TAS1R2: variants seen among roughly 807,000 people sequenced by gnomAD.
The protein encoded by TAS1R2 is taste receptor type 1 member 2.
In TAS1R2, 47 loss-of-function variants were observed where a neutral mutation model predicts 49.3. That is an observed-to-expected ratio of 0.95 (90% confidence interval 0.75 to 1.22). The LOEUF is 1.22. Among genes scored for constraint, TAS1R2 ranks in the 50% most tolerant of loss-of-function variants. TAS1R2 has a pLI of 0.00. For synonymous variants in TAS1R2, 479 were observed against 467.9 expected, an observed-to-expected ratio of 1.02 and a Z score of -0.31; for missense variants, 1,155 against 1,122.1, an observed-to-expected ratio of 1.03 and a Z score of -0.42.
intron 4 of TAS1R2, among the ~76,000 whole-genome samples, chr1:18,848,906 C>T (rs1020306513): frequency 1.1e-4 from 17 of 152,106 alleles, no homozygotes; most frequent in African/African-American, 3.9e-4. Context: ...TTATATGTTA[C>T]GATAATAATA....
At chr1:18,843,639 C>A (rs775060028) in intron 4 of TAS1R2, among the ~76,000 whole-genome samples, 1 of 152,168 alleles carries the variant, frequency 6.6e-6, no homozygotes, top group Non-Finnish European at 1.5e-5. Flanking sequence ...GCCACATGAT[C>A]GAGGAGATCT....
chr1:18,841,750 T>G, exon 5 of TAS1R2: 1 of 1,613,780 alleles, frequency 6.2e-7, no homozygotes, highest in South Asian at 1.1e-5. Flanking sequence ...TTGAGGAAGG[T>G]GCCGGGAAGG....
chr1:18,859,031 G>C (rs542951610), intron 1 of TAS1R2, among the ~76,000 whole-genome samples: 5 of 152,108 alleles, frequency 3.3e-5, no homozygotes, highest in Non-Finnish European at 7.4e-5. Context: ...GGGGGAAGAG[G>C]AACTTCCCTC....
chr1:18,842,399 G>A (rs1933845583), intron 4 of TAS1R2, among the ~76,000 whole-genome samples: 1 of 152,078 alleles, frequency 6.6e-6, no homozygotes, highest in Admixed American at 6.6e-5. Flanking sequence ...GATAAAATGG[G>A]AGACAAAAAA....
At chr1:18,851,154 C>T (rs538743172) in intron 3 of TAS1R2, among the ~76,000 whole-genome samples, 22 of 152,134 alleles carry the variant, frequency 1.4e-4, no homozygotes, top group Admixed American at 1.2e-3. Flanking sequence ...TTACAATGTA[C>T]GAACAGGTGG....
At position 18,854,618 on chromosome 1, in the gene TAS1R2, G is replaced by T; in HGVS notation, c.852C>A (p.Phe284Leu). 1 of 1,614,094 alleles carries T rather than the reference G, an allele frequency of 6.2e-7. No individual in the cohort carries two copies. The highest frequency in any genetic ancestry group is 8.5e-7 in the Non-Finnish European group (1 of 1,180,006). Reference sequence around the variant, plus strand: ...AGTTCTGGCGCAGCACCTCATTGAAGAAGTGGTACAGGGTCAGGTCGGGCG... The same window carrying T: ...AGTTCTGGCGCAGCACCTCATTGAATAAGTGGTACAGGGTCAGGTCGGGCG... The change falls in exon 3 of 6, where the codon TTC (phenylalanine) becomes TTA (leucine). Residue 284 changes from phenylalanine to leucine, a missense_variant. Transcript: ENST00000375371. The surrounding 1 kb of genome is among the most constrained non-coding windows in gnomAD (Gnocchi z 4.9).
At chr1:18,856,672 T>C (rs1934140935) in intron 2 of TAS1R2, among the ~76,000 whole-genome samples, 1 of 152,246 alleles carries the variant, frequency 6.6e-6, no homozygotes, top group East Asian at 1.9e-4. Context: ...AGATGCTTCA[T>C]GTAAAAGTAC....
intron 4 of TAS1R2, among the ~76,000 whole-genome samples, chr1:18,845,566 G>A (rs896673038): frequency 6.6e-6 from 1 of 152,200 alleles, no homozygotes; most frequent in African/African-American, 2.4e-5. Flanking sequence ...ACACTATAGG[G>A]CTCTACGATT....
At chr1:18,843,316 A>T (rs1933859831) in intron 4 of TAS1R2, among the ~76,000 whole-genome samples, 1 of 152,182 alleles carries the variant, frequency 6.6e-6, no homozygotes, top group South Asian at 2.1e-4. Context: ...AACCTTGTAA[A>T]GATTCAAAAC....
rs146340326 is a variant in TAS1R2 at position 18,854,387 on chromosome 1, C to T, written c.1083G>A (p.Gln361=). ...TGGCGTTCAGGCAGTTGTCGCACTC[C>T]TGGTTGCAGGTATAGCTCTGGCTGG... The change falls in exon 3 of 6, where the codon CAG becomes CAA. Residue 361 remains glutamine (Q), a synonymous_variant. Coordinates refer to ENST00000375371, the Ensembl canonical transcript of TAS1R2. The surrounding 1 kb of genome is among the most constrained non-coding windows in gnomAD (Gnocchi z 4.9). 1 of 1,613,874 alleles carries T rather than the reference C, an allele frequency of 6.2e-7. No individual in the cohort carries two copies. Among genetic ancestry groups the T allele is most frequent in the African/African-American group, 1.3e-5 (1 of 74,946 alleles).
chr1:18,841,999 ACT>A, intron 4 of TAS1R2, 147 bp from the exon 5 acceptor site: 1 of 942,462 alleles, frequency 1.1e-6, no homozygotes, highest in African/African-American at 1.7e-5. Context: ...AAAAAAAAAA[ACT>A]CTCATGCTTC....
intron 4 of TAS1R2, among the ~76,000 whole-genome samples, chr1:18,847,625 T>C (rs972946722): frequency 3.3e-4 from 50 of 152,322 alleles, no homozygotes; most frequent in African/African-American, 1.2e-3. Flanking sequence ...AAGGCAGGTC[T>C]CTATCCTTTC....
intron 3 of TAS1R2, among the ~76,000 whole-genome samples, chr1:18,853,962 G>A (rs1269216486): frequency 6.6e-6 from 1 of 152,186 alleles, no homozygotes; most frequent in African/African-American, 2.4e-5. Context: ...GGGGAGGGGG[G>A]CGCTGCCGTT....
Position 18,854,139 on chromosome 1 carries a change from ACACC to A in TAS1R2, c.1257+70_1257+73del, listed in dbSNP as rs1934081409. On this transcript the variant is annotated intron_variant, in intron 3 of 5. Transcript: ENST00000375371. This position sits in a 1 kb window ranked among gnomAD's most constrained non-coding sequence, Gnocchi z 4.9. ...AAGAATGGGATACTCATGCCCTTTC[ACACC>A]CATTTGCCCAGAACCCCAGGGGAGG... is the stretch of plus-strand genomic sequence containing the variant. 3 of 1,430,072 alleles carry A rather than the reference ACACC, an allele frequency of 2.1e-6. No individual in the cohort carries two copies. The highest frequency in any genetic ancestry group is 2.8e-5 in the African/African-American group (2 of 70,906). The allele number at this position is 1,430,072 out of a possible 1,614,324, so 88.6% of individuals were successfully genotyped here.
chr1:18,853,550 G>A (rs72651847), intron 3 of TAS1R2, among the ~76,000 whole-genome samples: 6,893 of 152,266 alleles, frequency 0.045, 235 homozygotes, highest in Non-Finnish European at 0.069. Flanking sequence ...GCAAGGGGGC[G>A]AAAGGGGAGA....
intron 3 of TAS1R2, among the ~76,000 whole-genome samples, chr1:18,852,470 T>C (rs1373570147): frequency 1.3e-5 from 2 of 152,210 alleles, no homozygotes; most frequent in African/African-American, 4.8e-5. Flanking sequence ...GGACGCTGTT[T>C]ATGCCAGCAG....
Position 18,854,520 on chromosome 1 carries a change from C to T in TAS1R2, c.950G>A (p.Arg317His), listed in dbSNP as rs34545913. 6.2e-6 allele frequency: 10 copies of T among 1,613,672 alleles called. No individual in the cohort carries two copies. Among genetic ancestry groups the T allele is most frequent in the East Asian group, 2.2e-5 (1 of 44,898 alleles). Residue 317 changes from arginine to histidine, a missense_variant, in exon 3 of 6, where the codon CGC (arginine) becomes CAC (histidine). Arg to His is a conservative substitution (Grantham distance 29). Transcript: ENST00000375371. This position sits in a 1 kb window ranked among gnomAD's most constrained non-coding sequence, Gnocchi z 4.9. ...GATGCCCAGGAAGGTGCCCAAGTGG[C>T]GCAGCTCCGTGAGGTTGTGCAGGAC...
chr1:18,857,130 C>T (rs973629806), intron 2 of TAS1R2, among the ~76,000 whole-genome samples: 2 of 152,208 alleles, frequency 1.3e-5, no homozygotes, highest in Non-Finnish European at 2.9e-5. Flanking sequence ...AGTTGCACAA[C>T]CAGATCTGCC....
chr1:18,849,209 C>T, intron 4 of TAS1R2, 132 bp downstream of exon 4: 1 of 983,884 alleles, frequency 1.0e-6, no homozygotes, highest in Non-Finnish European at 1.5e-6. Flanking sequence ...GATACACCCA[C>T]AAATAGACAT....
Sources: allele counts gnomAD v4.1 joint callset (sites outside exome capture counted in the v4.1 genomes callset), GRCh38; gene constraint gnomAD v4.1.1; non-coding constraint Gnocchi (gnomAD v3.1); transcripts MANE v1.5; gene names NCBI Gene and HGNC (gene_info 2026-07-23, HGNC 2026-07-21).